The following AGTPBP1 variants were observed in gnomAD, a reference collection of about 807,000 sequenced individuals.
The protein encoded by AGTPBP1 is ATP/GTP binding carboxypeptidase 1.
Under a neutral mutation model 143.9 loss-of-function variants are expected in AGTPBP1, and 70 were observed. The observed-to-expected ratio is 0.49, with a 90% CI of 0.40 to 0.59. The LOEUF (loss-of-function observed/expected upper bound fraction) is 0.59, where lower values mean the gene tolerates loss of function less well. Ranked by LOEUF, AGTPBP1 falls within the 20% of genes least tolerant of loss-of-function variation. The pLI is 0.00. For synonymous variants in AGTPBP1, 463 were observed against 500.2 expected (o/e 0.93, Z 0.99); for missense variants, 1,229 against 1,464.5 (o/e 0.84, Z 2.62).
chr9:85,561,288 G>A (rs545295999), intron 25 of AGTPBP1, among the ~76,000 whole-genome samples: 1 of 151,584 alleles, frequency 6.6e-6, no homozygotes, highest in African/African-American at 2.4e-5. Flanking sequence ...CTTGAACCTG[G>A]GAGGCAGGAG....
the AGTPBP1 span, among the ~76,000 whole-genome samples, chr9:85,781,771 T>C: frequency 6.6e-6 from 1 of 152,208 alleles, no homozygotes; most frequent in Non-Finnish European, 1.5e-5. Context: ...TTATATATCA[T>C]GACCCCTGGA....
At chr9:85,799,222 G>A in the AGTPBP1 span, among the ~76,000 whole-genome samples, 1 of 152,078 alleles carries the variant, frequency 6.6e-6, no homozygotes, top group Non-Finnish European at 1.5e-5. Flanking sequence ...TCTTAATCCA[G>A]TCTATCACTG....
intron 13 of AGTPBP1, among the ~76,000 whole-genome samples, chr9:85,636,684 G>T (rs759509648): frequency 6.6e-6 from 1 of 152,120 alleles, no homozygotes; most frequent in Non-Finnish European, 1.5e-5. Flanking sequence ...AGAAAAAAGA[G>T]GTTAAAAGAC....
At chr9:85,613,114 ATAAT>A (rs1371885063) in intron 17 of AGTPBP1, among the ~76,000 whole-genome samples, 1 of 152,158 alleles carries the variant, frequency 6.6e-6, no homozygotes, top group Non-Finnish European at 1.5e-5. Context: ...TCTTGCCTAA[ATAAT>A]TCTAATCTAA....
At chr9:85,561,004 G>T (rs2132845529) in intron 25 of AGTPBP1, among the ~76,000 whole-genome samples, 1 of 152,202 alleles carries the variant, frequency 6.6e-6, no homozygotes, top group African/African-American at 2.4e-5. Context: ...AAAATAAAAA[G>T]AAAATCATAT....
rs1256418956 is a variant in AGTPBP1, at chr9:85,646,368, C to G, written c.1138G>C (p.Ala380Pro). 2 of 1,613,158 alleles carry G rather than the reference C, an allele frequency of 1.2e-6. No individual in the cohort carries two copies. Among genetic ancestry groups the G allele is most frequent in the Non-Finnish European group, 1.7e-6 (2 of 1,179,792 alleles). The stretch of plus-strand genomic sequence containing the variant: ...TCTTCATTCTCAGTTTCGTTTTCAG[C>G]TTCTACATCAATATCATCGTTGTCA... ...SDDNDDIDVE[A>P]ENETENEDDL... is the part of the protein sequence containing the mutation. The change falls in exon 12 of 26, where the codon GCT becomes CCT. Residue 380 changes from alanine to proline, a missense_variant. This residue lies in a region of AGTPBP1 where 743 missense variants were observed against 812.2 expected (regional missense o/e 0.91). Transcript: ENST00000357081.
chr9:85,736,882 G>A (rs556660912), intron 1 of AGTPBP1, among the ~76,000 whole-genome samples: 1 of 152,088 alleles, frequency 6.6e-6, no homozygotes, highest in Admixed American at 6.5e-5. Flanking sequence ...GGACACAGGC[G>A]GATCACAAGG....
chr9:85,789,576 G>A, the AGTPBP1 span, among the ~76,000 whole-genome samples: 4 of 152,180 alleles, frequency 2.6e-5, no homozygotes, highest in Non-Finnish European at 4.4e-5. Context: ...GGAACCACAG[G>A]TGGTGAGAAC....
intron 25 of AGTPBP1, among the ~76,000 whole-genome samples, chr9:85,569,673 G>A (rs1056459774): frequency 3.9e-5 from 6 of 152,124 alleles, no homozygotes; most frequent in Non-Finnish European, 7.3e-5. Context: ...CGCTAGTAGC[G>A]TGTCATATTA....
chr9:85,663,244 G>A (rs751596011), intron 8 of AGTPBP1, among the ~76,000 whole-genome samples: 33 of 152,090 alleles, frequency 2.2e-4, no homozygotes, highest in Non-Finnish European at 3.4e-4. Flanking sequence ...AACTACTAAG[G>A]CTGGGAAAAA....
intron 24 of AGTPBP1, among the ~76,000 whole-genome samples, 153 bp downstream of exon 24, chr9:85,578,767 C>A (rs1398292380): frequency 6.6e-6 from 1 of 152,078 alleles, no homozygotes; most frequent in Non-Finnish European, 1.5e-5. Flanking sequence ...AAATAAAAAC[C>A]TATTCTTAAG....
At chr9:85,756,021 A>G in the AGTPBP1 span, 1 of 1,294,008 alleles carries the variant, frequency 7.7e-7, no homozygotes, top group African/African-American at 1.5e-5. Flanking sequence ...ATTACCATAT[A>G]ATTTTTATGG....
chr9:85,598,318 T>A (rs981534536), intron 17 of AGTPBP1, among the ~76,000 whole-genome samples: 2 of 152,220 alleles, frequency 1.3e-5, no homozygotes, highest in Non-Finnish European at 2.9e-5. Context: ...GCCTAGGAAA[T>A]CTGATTTCAT....
At chr9:85,759,221 A>C in the AGTPBP1 span, among the ~76,000 whole-genome samples, 1 of 152,174 alleles carries the variant, frequency 6.6e-6, no homozygotes, top group Non-Finnish European at 1.5e-5. Flanking sequence ...ATGAGACAGA[A>C]ATTTAACAAG....
At chr9:85,574,463 CAAAAAAA>C (rs4011699) in intron 25 of AGTPBP1, among the ~76,000 whole-genome samples, 1 of 116,132 alleles carries the variant, frequency 8.6e-6, no homozygotes, top group Non-Finnish European at 1.9e-5. Context: ...CAAGAATGAT[CAAAAAAA>C]AAAAAAAAAA....
chr9:85,568,092 C>T (rs1361716712), intron 25 of AGTPBP1, among the ~76,000 whole-genome samples: 1 of 152,154 alleles, frequency 6.6e-6, no homozygotes, highest in African/African-American at 2.4e-5. Context: ...GACAAAGAGA[C>T]TGATCTGTTC....
At chr9:85,764,358 A>C in the AGTPBP1 span, among the ~76,000 whole-genome samples, 1 of 151,244 alleles carries the variant, frequency 6.6e-6, no homozygotes, top group Non-Finnish European at 1.5e-5. Flanking sequence ...ATAAAACCCC[A>C]TCTCTAGTAA....
chr9:85,618,045 G>A (rs1362908655), intron 17 of AGTPBP1, among the ~76,000 whole-genome samples: 1 of 152,090 alleles, frequency 6.6e-6, no homozygotes, highest in East Asian at 1.9e-4. Context: ...TGCGAGACCA[G>A]CCTGGCCAAC....
At chr9:85,795,208 T>G in the AGTPBP1 span, among the ~76,000 whole-genome samples, 9 of 152,326 alleles carry the variant, frequency 5.9e-5, no homozygotes, top group African/African-American at 2.2e-4. Context: ...GCATTTGTAG[T>G]CTATAGTATG....
Sources: allele counts gnomAD v4.1 joint callset (sites outside exome capture counted in the v4.1 genomes callset), GRCh38; gene constraint gnomAD v4.1.1; regional missense constraint gnomAD v4.1.1; transcripts MANE v1.5; gene names NCBI Gene and HGNC (gene_info 2026-07-23, HGNC 2026-07-21).